The following NXPH1 variants were observed in gnomAD, a reference collection of about 807,000 sequenced individuals.
NXPH1 encodes neurexophilin 1.
Under a neutral mutation model 23.7 loss-of-function variants are expected in NXPH1, and 5 were observed. The observed-to-expected ratio is 0.21, with a 90% CI of 0.11 to 0.44. NXPH1 has a LOEUF of 0.44. Among genes scored for constraint, NXPH1 ranks in the 20% least tolerant of loss-of-function variants. The pLI is 0.99. For missense variants in NXPH1, 324 were observed against 321.6 expected, an observed-to-expected ratio of 1.01 and a Z score of -0.06; for synonymous variants, 144 against 122.2, an observed-to-expected ratio of 1.18 and a Z score of -1.18.
At chr7:8,655,792 T>C (rs1403023385) in intron 2 of NXPH1, among the ~76,000 whole-genome samples, 1 of 152,176 alleles carries the variant, frequency 6.6e-6, no homozygotes, top group Non-Finnish European at 1.5e-5. Flanking sequence ...TAGAATTCTC[T>C]CCTCAGCTTT....
intron 2 of NXPH1, among the ~76,000 whole-genome samples, chr7:8,708,761 T>C (rs1779742203): frequency 6.6e-6 from 1 of 152,234 alleles, no homozygotes; most frequent in South Asian, 2.1e-4. Flanking sequence ...TGAAGAATGC[T>C]ATAAGGAAAT....
chr7:8,693,341 C>T (rs1380827609), intron 2 of NXPH1, among the ~76,000 whole-genome samples: 1 of 152,158 alleles, frequency 6.6e-6, no homozygotes, highest in Non-Finnish European at 1.5e-5. Flanking sequence ...GATGCTTATA[C>T]ACAGCATCCC....
At chr7:8,718,801 G>A (rs1164906137) in intron 2 of NXPH1, among the ~76,000 whole-genome samples, 1 of 152,124 alleles carries the variant, frequency 6.6e-6, no homozygotes, top group African/African-American at 2.4e-5. Flanking sequence ...CATTTAAGTG[G>A]CACATTCAGT....
chr7:8,638,390 C>A (rs139239527), intron 2 of NXPH1, among the ~76,000 whole-genome samples: 1 of 152,170 alleles, frequency 6.6e-6, no homozygotes, highest in African/African-American at 2.4e-5. Flanking sequence ...TAGAATCCTC[C>A]TGGTGCCAGG....
At chr7:8,465,854 C>T (rs765787601) in intron 2 of NXPH1, among the ~76,000 whole-genome samples, 2 of 152,184 alleles carry the variant, frequency 1.3e-5, no homozygotes, top group Non-Finnish European at 2.9e-5. Flanking sequence ...ATGGTGTTGG[C>T]ATGCTACTAA....
intron 2 of NXPH1, among the ~76,000 whole-genome samples, chr7:8,646,167 T>G (rs1820397286): frequency 6.6e-6 from 1 of 152,144 alleles, no homozygotes; most frequent in African/African-American, 2.4e-5. Context: ...TCAGCAAAGA[T>G]TTTAACTTTT....
rs1228102680 is a variant in NXPH1, at chr7:8,434,754, C to A, written c.-112C>A. 1.3e-5 allele frequency: 2 copies of A among 152,672 alleles called. No homozygotes were observed. The highest frequency in any genetic ancestry group is 1.9e-4 in the East Asian group (1 of 5,172). The allele number at this position is 152,672 out of a possible 1,614,324, so 9.5% of individuals were successfully genotyped here. ...CGCAGGATTCGCCCCAAGTCCTGTG[C>A]GGTACGTACCCTTTGCCTCCGCTGT... On this transcript the variant is annotated splice_region_variant and 5_prime_UTR_variant, in exon 1 of 3. It introduces an in-frame stop codon into an upstream open reading frame of the 5' UTR. Transcript: ENST00000405863. This position sits in a 1 kb window ranked among gnomAD's most constrained non-coding sequence, Gnocchi z 7.6.
intron 2 of NXPH1, among the ~76,000 whole-genome samples, chr7:8,750,552 A>C (rs569312387): frequency 6.6e-6 from 1 of 152,306 alleles, no homozygotes; most frequent in East Asian, 1.9e-4. Context: ...GAAAAAGAAC[A>C]TAATGATTTA....
chr7:8,493,857 G>T (rs1817292428), intron 2 of NXPH1, among the ~76,000 whole-genome samples: 1 of 151,936 alleles, frequency 6.6e-6, no homozygotes, highest in South Asian at 2.1e-4. Context: ...CTCATTTTCT[G>T]TAAGTTTTAA....
At chr7:8,571,118 T>C (rs749312092) in intron 2 of NXPH1, among the ~76,000 whole-genome samples, 18 of 151,842 alleles carry the variant, frequency 1.2e-4, no homozygotes, top group Non-Finnish European at 2.1e-4. Context: ...CCACTTAGAA[T>C]TATGTGGTCC....
At chr7:8,575,591 A>T (rs1294989354) in intron 2 of NXPH1, among the ~76,000 whole-genome samples, 1 of 152,180 alleles carries the variant, frequency 6.6e-6, no homozygotes, top group East Asian at 1.9e-4. Context: ...AAAGAACATA[A>T]GTTCTGTAAG....
intron 2 of NXPH1, among the ~76,000 whole-genome samples, chr7:8,598,329 A>G (rs1042732570): frequency 2.0e-5 from 3 of 152,146 alleles, no homozygotes; most frequent in Admixed American, 6.6e-5. Context: ...CCCCGTCTCA[A>G]TTATGAGATC....
chr7:8,565,101 A>G (rs1434518954), intron 2 of NXPH1, among the ~76,000 whole-genome samples: 2 of 151,762 alleles, frequency 1.3e-5, no homozygotes, highest in Non-Finnish European at 2.9e-5. Flanking sequence ...GGCACCACAA[A>G]TCAGATGTGG....
At chr7:8,459,378 C>G (rs958818287) in intron 2 of NXPH1, among the ~76,000 whole-genome samples, 12 of 152,192 alleles carry the variant, frequency 7.9e-5, no homozygotes, top group African/African-American at 2.9e-4. Context: ...ATTAATTTAA[C>G]TCTATTTAGG....
At chr7:8,504,421 C>T (rs548207137) in intron 2 of NXPH1, among the ~76,000 whole-genome samples, 73 of 151,928 alleles carry the variant, frequency 4.8e-4, no homozygotes, top group Non-Finnish European at 7.7e-4. Context: ...CAGTCAAGTT[C>T]ATAAGACTCA....
At chr7:8,578,081 C>G (rs1230222497) in intron 2 of NXPH1, among the ~76,000 whole-genome samples, 1 of 152,094 alleles carries the variant, frequency 6.6e-6, no homozygotes, top group African/African-American at 2.4e-5. Flanking sequence ...ATCAATGTTT[C>G]TTATTGTTTT....
At chr7:8,527,759 TGACA>T (rs1207291027) in intron 2 of NXPH1, among the ~76,000 whole-genome samples, 1 of 152,210 alleles carries the variant, frequency 6.6e-6, no homozygotes, top group African/African-American at 2.4e-5. Flanking sequence ...TGAAATTGTT[TGACA>T]GACATTTTCC....
chr7:8,684,239 C>G (rs770890722), intron 2 of NXPH1, among the ~76,000 whole-genome samples: 1 of 152,132 alleles, frequency 6.6e-6, no homozygotes, highest in Non-Finnish European at 1.5e-5. Flanking sequence ...TATTCCTGCC[C>G]GTGAGGCACC....
chr7:8,730,818 C>T (rs889510232), intron 2 of NXPH1, among the ~76,000 whole-genome samples: 6 of 150,372 alleles, frequency 4.0e-5, no homozygotes, highest in African/African-American at 1.5e-4. Context: ...AATTATGTGT[C>T]TTGGAGTTGC....
Sources: gnomAD v4.1 joint callset for allele counts (sites outside exome capture counted in the v4.1 genomes callset) on GRCh38, gnomAD v4.1.1 for gene constraint, Gnocchi (gnomAD v3.1) non-coding constraint, MANE v1.5 for transcripts, NCBI Gene and HGNC (gene_info 2026-07-23, HGNC 2026-07-21) for gene names.